Variants in CNBD1 observed in about 807,000 individuals in gnomAD.
CNBD1 encodes the protein cyclic nucleotide binding domain containing 1.
CNBD1 carries 71 observed loss-of-function variants against 54.4 expected under a neutral mutation model. The ratio of observed to expected loss-of-function variants is 1.30; its 90% CI spans 1.08 to 1.59. CNBD1 has a LOEUF of 1.59. Ranked by LOEUF, CNBD1 falls within the 40% of genes most tolerant of loss-of-function variation. The pLI, the probability that CNBD1 is intolerant of heterozygous loss-of-function variation, is 0.00. For synonymous variants in CNBD1, 182 were observed against 170.7 expected, an observed-to-expected ratio of 1.07 and a Z score of -0.51; for missense variants, 659 against 518.0, an observed-to-expected ratio of 1.27 and a Z score of -2.64.
chr8:86,968,761 A>G lies in CNBD1; in HGVS notation c.431+29007A>G, dbSNP rs1221944678. On this transcript the variant is annotated intron_variant, in intron 4 of 10. Coordinates refer to ENST00000518476, the MANE Select transcript of CNBD1 (RefSeq NM_173538.3). ...GGTGGTAGAGGAAATAGTTACTCAT[A>G]ACTTAGTGTGGCTTAGTGAATCTGC... 2.0e-5 allele frequency among the ~76,000 whole-genome samples: 3 copies of G among 152,222 alleles called. No homozygotes were observed. In the East Asian group the frequency reaches 5.8e-4, roughly 29 times the overall value.
intron 10 of CNBD1, among the ~76,000 whole-genome samples, chr8:87,359,634 C>T (rs567628899): frequency 6.6e-5 from 10 of 152,000 alleles, no homozygotes; most frequent in Non-Finnish European, 1.5e-4. Context: ...ATCCTATCTC[C>T]ATCTACTTCA....
At chr8:87,283,701 C>T (rs1204872078) in intron 6 of CNBD1, among the ~76,000 whole-genome samples, 1 of 152,068 alleles carries the variant, frequency 6.6e-6, no homozygotes, top group Non-Finnish European at 1.5e-5. Flanking sequence ...CTTCCTGTCC[C>T]CACTTCACAA....
At chr8:87,355,639 G>C (rs941426060) in intron 10 of CNBD1, among the ~76,000 whole-genome samples, 1 of 152,116 alleles carries the variant, frequency 6.6e-6, no homozygotes, top group African/African-American at 2.4e-5. Flanking sequence ...ATAAAACTGG[G>C]AGTAAAGGAT....
At position 87,364,404 on chromosome 8, in the gene CNBD1, A is replaced by T. The variant is rs140392684; in HGVS notation, c.1303+10618A>T. Reference sequence around the variant, plus strand: ...GTTTTTGCTCGAGTTTGGCTTTTAGATAATTTTTTCTCTATCAAGTGTATT... The same window carrying T: ...GTTTTTGCTCGAGTTTGGCTTTTAGTTAATTTTTTCTCTATCAAGTGTATT... On this transcript the variant is annotated intron_variant, in intron 10 of 10. Transcript: ENST00000518476. 7.2e-3 allele frequency among the ~76,000 whole-genome samples: 1,092 copies of T among 151,934 alleles called. 13 individuals carry two copies. Among genetic ancestry groups the T allele is most frequent in the African/African-American group, 0.025 (1,030 of 41,500 alleles).
At chr8:87,268,405 A>G (rs922696556) in intron 6 of CNBD1, among the ~76,000 whole-genome samples, 12 of 152,204 alleles carry the variant, frequency 7.9e-5, no homozygotes, top group African/African-American at 2.6e-4. Context: ...TAGTACTGTG[A>G]TTAACATATG....
At chr8:87,021,339 T>C (rs1809484903) in intron 4 of CNBD1, among the ~76,000 whole-genome samples, 1 of 152,218 alleles carries the variant, frequency 6.6e-6, no homozygotes, top group Non-Finnish European at 1.5e-5. Flanking sequence ...TCTCATTGTC[T>C]GGGAATACTT....
At chr8:86,952,085 A>G (rs1386946798) in intron 4 of CNBD1, among the ~76,000 whole-genome samples, 1 of 152,180 alleles carries the variant, frequency 6.6e-6, no homozygotes, top group African/African-American at 2.4e-5. Context: ...TTTGTCTTCC[A>G]TCTACCTATG....
At chr8:86,991,912 G>A (rs566354201) in intron 4 of CNBD1, among the ~76,000 whole-genome samples, 1 of 152,082 alleles carries the variant, frequency 6.6e-6, no homozygotes, top group Non-Finnish European at 1.5e-5. Flanking sequence ...AATTTATTGA[G>A]ACTTGCTTTA....
chr8:87,207,641 C>T (rs1011447397), intron 5 of CNBD1, among the ~76,000 whole-genome samples: 9 of 152,054 alleles, frequency 5.9e-5, no homozygotes, highest in Non-Finnish European at 8.8e-5. Flanking sequence ...TTTATTCTCT[C>T]ACAATGTGTT....
At chr8:87,419,314 A>T (rs181366127) in intron 2 of CNBD1, among the ~76,000 whole-genome samples, 2 of 152,024 alleles carry the variant, frequency 1.3e-5, no homozygotes, top group Admixed American at 6.6e-5. Context: ...GTAGAGATGG[A>T]AAGTGAGTGA....
At chr8:87,272,943 T>G (rs764957240) in intron 6 of CNBD1, among the ~76,000 whole-genome samples, 1 of 151,938 alleles carries the variant, frequency 6.6e-6, no homozygotes, top group African/African-American at 2.4e-5. Context: ...TTCCAAAAAT[T>G]GTTAATATGC....
chr8:87,082,773 G>T (rs1811022704), intron 4 of CNBD1, among the ~76,000 whole-genome samples: 1 of 151,584 alleles, frequency 6.6e-6, no homozygotes. Flanking sequence ...CCATCTCTTT[G>T]GTTGTTTTCA....
At chr8:87,363,812 C>T (rs1478579432) in intron 10 of CNBD1, among the ~76,000 whole-genome samples, 6 of 151,968 alleles carry the variant, frequency 3.9e-5, no homozygotes, top group African/African-American at 1.2e-4. Flanking sequence ...GTTGCCTGTT[C>T]ACTCTGATGA....
chr8:87,415,437 T>C (rs1303735970), intron 2 of CNBD1, among the ~76,000 whole-genome samples: 1 of 152,054 alleles, frequency 6.6e-6, no homozygotes, highest in African/African-American at 2.4e-5. Flanking sequence ...TCCTGAAATT[T>C]TATCTACTGG....
At chr8:87,033,071 C>G (rs934684724) in intron 4 of CNBD1, among the ~76,000 whole-genome samples, 5 of 152,164 alleles carry the variant, frequency 3.3e-5, no homozygotes, top group African/African-American at 1.2e-4. Flanking sequence ...ACATGTTTTT[C>G]CAGCAGGAAT....
Position 87,283,743 on chromosome 8 carries a change from G to A in CNBD1, c.772-935G>A, listed in dbSNP as rs544535240. On this transcript the variant is annotated intron_variant, in intron 6 of 10. Coordinates refer to ENST00000518476, the MANE Select transcript of CNBD1 (RefSeq NM_173538.3). ...CAATCCTCCAAGTTCCTAGACTTTAGGCAAGGAGGCACAATTCCAGGCTCT... is the reference window on the plus strand; with the variant it reads ...CAATCCTCCAAGTTCCTAGACTTTAAGCAAGGAGGCACAATTCCAGGCTCT... Among the ~76,000 whole-genome samples, 6 of 152,110 alleles carry A rather than the reference G, an allele frequency of 3.9e-5. No homozygotes were observed. The East Asian group carries it at 1.2e-3, about 29-fold the overall frequency.
intron 2 of CNBD1, among the ~76,000 whole-genome samples, chr8:87,411,656 A>G (rs1304569200): frequency 2.2e-5 from 3 of 134,448 alleles, no homozygotes; most frequent in Non-Finnish European, 5.0e-5. Context: ...GGGCTTTTTT[A>G]GATTTTTTTT....
intron 8 of CNBD1, among the ~76,000 whole-genome samples, chr8:87,329,256 G>A (rs561697881): frequency 6.6e-6 from 1 of 152,016 alleles, no homozygotes; most frequent in Non-Finnish European, 1.5e-5. Flanking sequence ...GGCTTACATT[G>A]ATCTATTTAT....
chr8:87,144,059 G>A (rs1343197578), intron 4 of CNBD1, among the ~76,000 whole-genome samples: 1 of 152,148 alleles, frequency 6.6e-6, no homozygotes, highest in African/African-American at 2.4e-5. Context: ...AAATAAAGCA[G>A]TTTGTTCTGA....
Sources: allele counts gnomAD v4.1 joint callset (sites outside exome capture counted in the v4.1 genomes callset), GRCh38; gene constraint gnomAD v4.1.1; transcripts MANE v1.5; gene names NCBI Gene and HGNC (gene_info 2026-07-23, HGNC 2026-07-21).